Variants in ANKRD33B observed in about 807,000 individuals in gnomAD.
ANKRD33B encodes ankyrin repeat domain-containing protein 33B.
In ANKRD33B, 6 loss-of-function variants were observed where a neutral mutation model predicts 21.5. The observed-to-expected ratio is 0.28, with a 90% confidence interval of 0.15 to 0.55. ANKRD33B has a LOEUF of 0.55. ANKRD33B is among the 20% of genes least tolerant of loss of function. The pLI is 0.94. For synonymous variants in ANKRD33B, 347 were observed against 342.4 expected (o/e 1.01, Z -0.15); for missense variants, 698 against 747.2 (o/e 0.93, Z 0.77).
chr5:10,649,039 G>A (rs1442867188), intron 3 of ANKRD33B, among the ~76,000 whole-genome samples: 3 of 152,218 alleles, frequency 2.0e-5, no homozygotes, highest in Admixed American at 6.5e-5. Context: ...CTTGAGCCCC[G>A]GAAGTCGAGG....
chr5:10,580,610 T>G (rs1165095574), intron 1 of ANKRD33B, among the ~76,000 whole-genome samples: 13 of 152,152 alleles, frequency 8.5e-5, no homozygotes. Flanking sequence ...TCTCACTCTT[T>G]TCTTTCTTTT....
intron 2 of ANKRD33B, among the ~76,000 whole-genome samples, chr5:10,622,958 T>TCCAGGCTCAGTGC (rs1343491856): frequency 1.3e-5 from 2 of 152,184 alleles, no homozygotes; most frequent in Non-Finnish European, 2.9e-5. Context: ...CTGATTTCCA[T>TCCAGGCTCAGTGC]CCAGGCTCAG....
In ANKRD33B at chr5:10,642,085, A is replaced by T. The variant is rs911874471; in HGVS notation, c.637+3917A>T. Among the ~76,000 whole-genome samples the T allele has an allele frequency of 2.0e-5, 3 of 152,320 alleles. No homozygotes were observed. The East Asian group carries it at 5.8e-4, about 29-fold the overall frequency. Reference sequence around the variant, plus strand: ...GAACATTTATGATGTCAGTCACATCACTGCACTTTCCCATTGAATTAATTT... The same window carrying T: ...GAACATTTATGATGTCAGTCACATCTCTGCACTTTCCCATTGAATTAATTT... On this transcript the variant is annotated intron_variant, in intron 3 of 3. Coordinates refer to ENST00000296657, the MANE Select transcript of ANKRD33B (RefSeq NM_001164440.2).
intron 1 of ANKRD33B, among the ~76,000 whole-genome samples, chr5:10,569,980 G>A (rs1490600620): frequency 1.3e-5 from 2 of 152,204 alleles, no homozygotes; most frequent in African/African-American, 2.4e-5. Context: ...AGGTTCAAGC[G>A]ATTCTCCCGA....
chr5:10,579,149 A>G (rs1158947995), intron 1 of ANKRD33B, among the ~76,000 whole-genome samples: 1 of 147,468 alleles, frequency 6.8e-6, no homozygotes, highest in African/African-American at 2.5e-5. Flanking sequence ...GGGCAAGGGA[A>G]GTGATACTGT....
chr5:10,648,801 G>A (rs1261684017), intron 3 of ANKRD33B, among the ~76,000 whole-genome samples: 1 of 151,506 alleles, frequency 6.6e-6, no homozygotes, highest in African/African-American at 2.4e-5. Context: ...ATTCAGGCGG[G>A]GTTTTATTCA....
chr5:10,610,386 A>G (rs775449352), intron 1 of ANKRD33B, among the ~76,000 whole-genome samples: 34 of 151,914 alleles, frequency 2.2e-4, no homozygotes, highest in Non-Finnish European at 3.2e-4. Context: ...CAGGGATTGC[A>G]TAGTACAGGG....
At chr5:10,581,340 G>A (rs1380201414) in intron 1 of ANKRD33B, among the ~76,000 whole-genome samples, 3 of 152,248 alleles carry the variant, frequency 2.0e-5, no homozygotes, top group Admixed American at 6.5e-5. Flanking sequence ...CTTTCAGCCA[G>A]GTGTCCTAGG....
At position 10,652,742 on chromosome 5, in the gene ANKRD33B, G is replaced by A. The variant is rs561333649; in HGVS notation, c.*2629G>A. 5.1e-5 allele frequency: 10 copies of A among 196,732 alleles called. No homozygotes were observed. The highest frequency in any genetic ancestry group is 3.9e-4 in the South Asian group (5 of 12,944). 12.2% of individuals were successfully genotyped at this position (196,732 alleles called of 1,614,324 possible). ...CGCTGTTCTGGAGTGGACGTGTTGC[G>A]GCCCTGCCCCCGATGTGTTCCAGCC... On this transcript the variant is annotated 3_prime_UTR_variant, in exon 4 of 4. Coordinates refer to ENST00000296657, the MANE Select transcript of ANKRD33B (RefSeq NM_001164440.2). The surrounding 1 kb of genome is among the most constrained non-coding windows in gnomAD (Gnocchi z 4.1).
chr5:10,572,713 G>A (rs750611994), intron 1 of ANKRD33B, among the ~76,000 whole-genome samples: 8 of 152,188 alleles, frequency 5.3e-5, no homozygotes, highest in Non-Finnish European at 8.8e-5. Flanking sequence ...CTCAGAAAAA[G>A]TGTGCCACTA....
chr5:10,567,769 G>A (rs1735092825), intron 1 of ANKRD33B, among the ~76,000 whole-genome samples: 3 of 152,212 alleles, frequency 2.0e-5, no homozygotes, highest in African/African-American at 7.2e-5. Flanking sequence ...GGAACAGTGT[G>A]TGCAAAGACT....
chr5:10,584,303 C>T (rs1298740412), intron 1 of ANKRD33B, among the ~76,000 whole-genome samples: 1 of 152,102 alleles, frequency 6.6e-6, no homozygotes, highest in African/African-American at 2.4e-5. Flanking sequence ...CCCAGAACTT[C>T]GGGAGGCTGA....
rs1737309947 is a variant in ANKRD33B at position 10,650,144 on chromosome 5, C to CCGGGG, written c.*31_*32insCGGGG. On this transcript the variant is annotated 3_prime_UTR_variant, in exon 4 of 4. Transcript: ENST00000296657. ...CGTGTGCCTGGCGCTGGGGCCGGGG[C>CCGGGG]TGGGGCCGGGGCGGGGCCGCAGGGC... is the stretch of plus-strand genomic sequence containing the variant. 5.4e-6 allele frequency: 4 copies of CCGGGG among 738,248 alleles called. No homozygotes were observed. Among genetic ancestry groups the CCGGGG allele is most frequent in the South Asian group, 2.1e-5 (1 of 46,772 alleles). 45.7% of individuals were successfully genotyped at this position (738,248 alleles called of 1,614,324 possible).
chr5:10,601,262 AC>A (rs1735923068), intron 1 of ANKRD33B, among the ~76,000 whole-genome samples: 1 of 152,074 alleles, frequency 6.6e-6, no homozygotes, highest in Non-Finnish European at 1.5e-5. Flanking sequence ...GCTTTCTAAG[AC>A]CCTGCGTGGT....
rs1240492884 is a variant in ANKRD33B, at chr5:10,654,521, C to G, written c.*4408C>G. On this transcript the variant is annotated 3_prime_UTR_variant, in exon 4 of 4. Transcript: ENST00000296657. ...AAATATTTCTCAGACAATGTCGATG[C>G]TGCTGATGACAACTGAGATGCCTGG... is the stretch of plus-strand genomic sequence containing the variant. The G allele has an allele frequency of 1.3e-5, 2 of 152,396 alleles. No homozygotes were observed. The highest frequency in any genetic ancestry group is 2.9e-5 in the Non-Finnish European group (2 of 68,052). 9.4% of individuals were successfully genotyped at this position (152,396 alleles called of 1,614,324 possible).
At chr5:10,607,290 G>T (rs1379499856) in intron 1 of ANKRD33B, among the ~76,000 whole-genome samples, 2 of 152,202 alleles carry the variant, frequency 1.3e-5, no homozygotes, top group African/African-American at 4.8e-5. Flanking sequence ...AGAGGGGGCA[G>T]GGCTCTGCTC....
intron 2 of ANKRD33B, chr5:10,627,144 A>G (rs1479509228): frequency 1.3e-5 from 2 of 152,260 alleles, no homozygotes; most frequent in Non-Finnish European, 2.9e-5. Flanking sequence ...AGAACGTTTG[A>G]AAATAAATCC....
chr5:10,582,412 G>A (rs1735462677), intron 1 of ANKRD33B, among the ~76,000 whole-genome samples: 1 of 152,166 alleles, frequency 6.6e-6, no homozygotes, highest in Non-Finnish European at 1.5e-5. Flanking sequence ...TGTCCACCAT[G>A]ATGGTCTCCC....
rs1734988386 is a variant in ANKRD33B at position 10,564,203 on chromosome 5, C to G, written c.-265C>G. The stretch of plus-strand genomic sequence containing the variant: ...GCCAGGAAGGGGCGCGAGGGGAAGG[C>G]CCCGGGGGAAGGCGTGTCCCCGCGC... On this transcript the variant is annotated 5_prime_UTR_variant, in exon 1 of 4. Transcript: ENST00000296657. 1 of 155,086 alleles carries G rather than the reference C, an allele frequency of 6.4e-6. No homozygotes were observed. Among genetic ancestry groups the G allele is most frequent in the Admixed American group, 6.5e-5 (1 of 15,402 alleles). 9.6% of individuals were successfully genotyped at this position (155,086 alleles called of 1,614,324 possible). A position where few individuals can be genotyped will look rare whatever the true frequency, so the allele number is the denominator to read the frequency against.
Sources: allele counts gnomAD v4.1 joint callset (sites outside exome capture counted in the v4.1 genomes callset), GRCh38; gene constraint gnomAD v4.1.1; non-coding constraint Gnocchi (gnomAD v3.1); transcripts MANE v1.5; gene names NCBI Gene and HGNC (gene_info 2026-07-23, HGNC 2026-07-21).